Variants in PPP1R12B observed in about 807,000 individuals in gnomAD.
PPP1R12B encodes myosin phosphatase target subunit 2.
A neutral mutation model predicts 126.1 loss-of-function variants in PPP1R12B; 76 were observed. That is an observed-to-expected ratio of 0.60 (90% CI 0.50 to 0.73). The LOEUF (loss-of-function observed/expected upper bound fraction) is 0.73, where lower values mean the gene tolerates loss of function less well. PPP1R12B is among the 30% of genes least tolerant of loss of function. The pLI is 0.00. For missense variants in PPP1R12B, 1,052 were observed against 1,205.1 expected, an observed-to-expected ratio of 0.87 and a Z score of 1.88; for synonymous variants, 356 against 434.7, an observed-to-expected ratio of 0.82 and a Z score of 2.25.
At chr1:202,392,903 A>C (rs1664352968) in intron 1 of PPP1R12B, among the ~76,000 whole-genome samples, 1 of 152,088 alleles carries the variant, frequency 6.6e-6, no homozygotes, top group Non-Finnish European at 1.5e-5. Flanking sequence ...TATGACTATA[A>C]TTTTTAAAAA....
chr1:202,402,505 C>A (rs2843411), intron 1 of PPP1R12B, among the ~76,000 whole-genome samples: 147,083 of 152,308 alleles, frequency 0.97, 71,169 homozygotes, highest in East Asian at 1. Context: ...TCAGATTTCT[C>A]AAGTCTTAAT....
At chr1:202,371,721 TAG>T (rs1470669140) in intron 1 of PPP1R12B, among the ~76,000 whole-genome samples, 1 of 152,152 alleles carries the variant, frequency 6.6e-6, no homozygotes, top group Non-Finnish European at 1.5e-5. Flanking sequence ...AAAGATAGTT[TAG>T]AGAGAGAGTA....
intron 18 of PPP1R12B, among the ~76,000 whole-genome samples, chr1:202,520,525 T>C (rs606123): frequency 0.031 from 4,659 of 152,318 alleles, 190 homozygotes; most frequent in African/African-American, 0.096. Flanking sequence ...TTTCTTAACC[T>C]TTTTAAAGTC....
intron 1 of PPP1R12B, among the ~76,000 whole-genome samples, chr1:202,358,568 G>A (rs1354792672): frequency 6.6e-6 from 1 of 151,986 alleles, no homozygotes; most frequent in African/African-American, 2.4e-5. Flanking sequence ...TGTTGTCCCA[G>A]CTACTCGGGA....
At chr1:202,449,696 T>A (rs1229477534) in intron 13 of PPP1R12B, among the ~76,000 whole-genome samples, 2 of 151,858 alleles carry the variant, frequency 1.3e-5, no homozygotes, top group African/African-American at 4.8e-5. Context: ...TTATTTTTTT[T>A]ATTTTTTTGA....
chr1:202,544,336 A>G lies in PPP1R12B; in HGVS notation c.2491-14541A>G, dbSNP rs184504100. The stretch of plus-strand genomic sequence containing the variant: ...ATTGGGTCTAACATTTATAAATTCT[A>G]TAAATTAGGAACTACTCAATTTAGA... On this transcript the variant is annotated intron_variant, in intron 18 of 23. Transcript: ENST00000608999. Among the ~76,000 whole-genome samples, 1,063 of 152,290 alleles carry G rather than the reference A, an allele frequency of 7.0e-3. 12 individuals are homozygous for G. The highest frequency in any genetic ancestry group is 0.025 in the African/African-American group (1,020 of 41,558).
chr1:202,372,712 A>G lies in PPP1R12B; in HGVS notation c.291+23570A>G, dbSNP rs533069270. The stretch of plus-strand genomic sequence containing the variant: ...CACTTGGGCCTGGGAATTCAGGTCT[A>G]TAGTGAACTGTGATTGTGCTGCTGC... On this transcript the variant is annotated intron_variant, in intron 1 of 23. Transcript: ENST00000608999. 1.6e-4 allele frequency among the ~76,000 whole-genome samples: 25 copies of G among 152,004 alleles called. No homozygotes were observed. In the South Asian group the frequency reaches 4.4e-3, roughly 27 times the overall value.
chr1:202,360,576 G>A (rs1657980774), intron 1 of PPP1R12B, among the ~76,000 whole-genome samples: 1 of 152,010 alleles, frequency 6.6e-6, no homozygotes, highest in South Asian at 2.1e-4. Flanking sequence ...GGGGCTGGTG[G>A]TGGACACCTG....
rs367803182 is a variant in PPP1R12B at position 202,564,528 on chromosome 1, A to G, written c.2738A>G (p.Lys913Arg). Residue 913 changes from lysine (K) to arginine (R), a missense_variant, in exon 21 of 24, where the codon AAG (lysine) becomes AGG (arginine). By Grantham distance (26) the Lys-to-Arg change is conservative. Coordinates refer to ENST00000608999, the MANE Select transcript of PPP1R12B (RefSeq NM_002481.4). ...CTAGAGCTAGCAGATATAAAGTCCA[A>G]GCTTGAGAAGGTGGCCCAGGTAAGA... is the stretch of plus-strand genomic sequence containing the variant. ...AQLELADIKS[K>R]LEKVAQQKQE... The G allele has an allele frequency of 1.9e-6, 3 of 1,611,668 alleles. No individual in the cohort carries two copies. The African/African-American group carries it at 4.0e-5, about 22-fold the overall frequency.
intron 10 of PPP1R12B, chr1:202,438,414 C>T: frequency 1.2e-5 from 6 of 496,878 alleles, no homozygotes; most frequent in South Asian, 9.3e-5. Context: ...GTGTGCTGAA[C>T]CCTCTAAGCC....
At chr1:202,526,070 G>T (rs533945797) in intron 18 of PPP1R12B, among the ~76,000 whole-genome samples, 3 of 152,320 alleles carry the variant, frequency 2.0e-5, no homozygotes, top group East Asian at 1.9e-4. Context: ...ACAACAAAAA[G>T]ATGATGTGGG....
At chr1:202,372,546 T>G (rs1660470895) in intron 1 of PPP1R12B, among the ~76,000 whole-genome samples, 1 of 151,080 alleles carries the variant, frequency 6.6e-6, no homozygotes, top group Non-Finnish European at 1.5e-5. Flanking sequence ...ACAAGGTGGC[T>G]CACACCTGTA....
intron 1 of PPP1R12B, among the ~76,000 whole-genome samples, chr1:202,394,335 T>C (rs1342104230): frequency 2.0e-5 from 3 of 152,102 alleles, no homozygotes; most frequent in Non-Finnish European, 4.4e-5. Flanking sequence ...CTGAAAGATA[T>C]ATGAAAAGTA....
In PPP1R12B at chr1:202,581,851, T is replaced by G. The variant is rs1689564971; in HGVS notation, c.*1291T>G. ...TAGGGGAAATGGCACTTAATAGAGG[T>G]TTAATGGAATGAAGTACTTTCAACC... On this transcript the variant is annotated 3_prime_UTR_variant, in exon 24 of 24. Coordinates refer to ENST00000608999, the MANE Select transcript of PPP1R12B (RefSeq NM_002481.4). 6.6e-6 allele frequency: 1 copy of G among 152,204 alleles called. No homozygotes were observed. 9.4% of individuals were successfully genotyped at this position (152,204 alleles called of 1,614,324 possible). A position where few individuals can be genotyped will look rare whatever the true frequency, so the allele number is the denominator to read the frequency against.
At chr1:202,546,879 A>G (rs1395973671) in intron 18 of PPP1R12B, among the ~76,000 whole-genome samples, 1 of 152,212 alleles carries the variant, frequency 6.6e-6, no homozygotes, top group African/African-American at 2.4e-5. Context: ...CGAGAGGAGT[A>G]ACCACAAGCA....
chr1:202,569,175 C>A lies in PPP1R12B; in HGVS notation c.2840C>A (p.Ser947Ter). Reference protein sequence around the residue: ...RERRALERKMSEMEEEMKVLT... With the variant: ...RERRALERKM ...AGGCGAGCCTTGGAGCGCAAAATGT[C>A]AGAAATGGAGGAAGAAATGAAGGTA... The change falls in exon 23 of 24, where the codon TCA (serine) becomes TAA (stop). Residue 947 changes from serine (S) to a stop codon, truncating the protein, a stop_gained. Coordinates refer to ENST00000608999, the MANE Select transcript of PPP1R12B (RefSeq NM_002481.4). LOFTEE classifies it high-confidence loss of function. 6.2e-7 allele frequency: 1 copy of A among 1,613,480 alleles called. No homozygotes were observed. The highest frequency in any genetic ancestry group is 1.1e-5 in the South Asian group (1 of 91,046).
rs146528473 is a variant in PPP1R12B at position 202,377,363 on chromosome 1, C to T, written c.291+28221C>T. Reference sequence around the variant, plus strand: ...TGTCGCCCAGGCTGGAGTTCAGTGGCGTGATCTCGACTCACTGCAAGCTCC... The same window carrying T: ...TGTCGCCCAGGCTGGAGTTCAGTGGTGTGATCTCGACTCACTGCAAGCTCC... On this transcript the variant is annotated intron_variant, in intron 1 of 23. Coordinates refer to ENST00000608999, the MANE Select transcript of PPP1R12B (RefSeq NM_002481.4). Among the ~76,000 whole-genome samples, 19 of 149,740 alleles carry T rather than the reference C, an allele frequency of 1.3e-4. No homozygotes were observed. In the East Asian group the frequency reaches 3.0e-3, roughly 23 times the overall value.
chr1:202,587,042 A>G lies in PPP1R12B; in HGVS notation c.*6482A>G, dbSNP rs1293718627. On this transcript the variant is annotated 3_prime_UTR_variant, in exon 24 of 24. Transcript: ENST00000608999. ...TCCCTTCTAATCCCCCAAAGGACCTATTTGAGCTGTTCCCCAATTCATCTG... is the reference window on the plus strand; with the variant it reads ...TCCCTTCTAATCCCCCAAAGGACCTGTTTGAGCTGTTCCCCAATTCATCTG... 4 of 152,184 alleles carry G rather than the reference A, an allele frequency of 2.6e-5. No homozygotes were observed. In the South Asian group the frequency reaches 6.2e-4, roughly 24 times the overall value. 9.4% of individuals were successfully genotyped at this position (152,184 alleles called of 1,614,324 possible).
intron 1 of PPP1R12B, among the ~76,000 whole-genome samples, chr1:202,357,810 T>C (rs757132754): frequency 6.6e-6 from 1 of 152,230 alleles, no homozygotes; most frequent in Non-Finnish European, 1.5e-5. Context: ...GAGTGTCTAC[T>C]GTGTATCTGA....
Sources: allele counts gnomAD v4.1 joint callset (sites outside exome capture counted in the v4.1 genomes callset), GRCh38; gene constraint gnomAD v4.1.1; transcripts MANE v1.5; gene names NCBI Gene and HGNC (gene_info 2026-07-23, HGNC 2026-07-21).